GSE1: variants seen among roughly 807,000 people sequenced by gnomAD.
The protein encoded by GSE1 is genetic suppressor element 1.
Under a neutral mutation model 112.6 loss-of-function variants are expected in GSE1, and 32 were observed. That is an observed-to-expected ratio of 0.28 (90% CI 0.21 to 0.38). The LOEUF (loss-of-function observed/expected upper bound fraction) is 0.38, where lower values mean the gene tolerates loss of function less well. Among genes scored for constraint, GSE1 ranks in the 10% least tolerant of loss-of-function variants. The pLI is 1.00. For missense variants in GSE1, 2,348 were observed against 1,699.2 expected (o/e 1.38, Z -6.71); for synonymous variants, 1,115 against 735.6 (o/e 1.52, Z -8.35).
chr16:85,387,146 G>C (rs533268690), intron 2 of GSE1, among the ~76,000 whole-genome samples: 37 of 152,284 alleles, frequency 2.4e-4, no homozygotes, highest in African/African-American at 7.7e-4. Context: ...AGATGCCACA[G>C]GTACTGGAGT....
chr16:85,494,283 C>A (rs1249109656), intron 2 of GSE1, among the ~76,000 whole-genome samples: 3 of 152,214 alleles, frequency 2.0e-5, no homozygotes, highest in Non-Finnish European at 4.4e-5. Flanking sequence ...CTGGTGGCTC[C>A]TGGTGACCTT....
At chr16:85,315,942 G>T (rs1225511317) in intron 1 of GSE1, among the ~76,000 whole-genome samples, 1 of 152,192 alleles carries the variant, frequency 6.6e-6, no homozygotes, top group Admixed American at 6.5e-5. Context: ...GGGGGTGAAG[G>T]TGGGAGCAGG....
upstream of GSE1, among the ~76,000 whole-genome samples, chr16:85,611,716 C>A (rs1030816552): frequency 1.3e-5 from 2 of 152,216 alleles, no homozygotes; most frequent in East Asian, 3.9e-4. Context: ...CCAGACCCTG[C>A]CCCCCGGAGG....
At chr16:85,286,873 G>A (rs78872080) in intron 1 of GSE1, among the ~76,000 whole-genome samples, 2,184 of 152,212 alleles carry the variant, frequency 0.014, 51 homozygotes, top group African/African-American at 0.048. Context: ...AGTTTTTTTC[G>A]TTGTCCCATA....
chr16:85,615,787 G>A (rs921645846), intron 1 of GSE1, among the ~76,000 whole-genome samples: 1 of 152,188 alleles, frequency 6.6e-6, no homozygotes, highest in African/African-American at 2.4e-5. Flanking sequence ...ACTGCTGCTG[G>A]CCAGGCCTTT....
At chr16:85,423,009 T>TGGTCCACACATCCCTG (rs2151743521) in intron 2 of GSE1, among the ~76,000 whole-genome samples, 1 of 152,244 alleles carries the variant, frequency 6.6e-6, no homozygotes, top group Admixed American at 6.5e-5. Flanking sequence ...ACACCACTAC[T>TGGTCCACACATCCCTG]CCCAGCCCCT....
intron 4 of GSE1, among the ~76,000 whole-genome samples, 168 bp from the exon 5 acceptor site, chr16:85,654,626 A>G (rs1293635780): frequency 1.3e-5 from 2 of 152,008 alleles, no homozygotes; most frequent in African/African-American, 2.4e-5. Context: ...CTGAGGTGGC[A>G]GTGGCAGCTC....
intron 2 of GSE1, among the ~76,000 whole-genome samples, chr16:85,388,746 G>A (rs577853569): frequency 6.6e-6 from 1 of 152,246 alleles, no homozygotes; most frequent in South Asian, 2.1e-4. Context: ...AAGGAAGGAA[G>A]GAAAGATGGA....
chr16:85,170,418 C>T (rs2074340626), exon 1 of GSE1: 3 of 985,440 alleles, frequency 3.0e-6, no homozygotes, highest in African/African-American at 1.7e-5. Context: ...CTCCCTCTGG[C>T]AGAGCCACTA....
intron 2 of GSE1, among the ~76,000 whole-genome samples, chr16:85,480,978 G>A (rs1266194101): frequency 6.6e-6 from 1 of 152,268 alleles, no homozygotes; most frequent in Non-Finnish European, 1.5e-5. Flanking sequence ...TCCTGGGACA[G>A]CGTGTGCTGC....
rs943703780 is a variant in GSE1 at position 85,641,787 on chromosome 16, G to C, written c.227-6765G>C. On this transcript the variant is annotated intron_variant, in intron 2 of 15. Coordinates refer to ENST00000253458, the MANE Select transcript of GSE1 (RefSeq NM_014615.5). ...AGATTTCAAGGAAAGTGGCTGGGGT[G>C]ACTCAGCTCCTGTCCCACTTCCCTA... is the stretch of plus-strand genomic sequence containing the variant. Among the ~76,000 whole-genome samples, 23 of 152,378 alleles carry C rather than the reference G, an allele frequency of 1.5e-4. No individual in the cohort carries two copies. The East Asian group carries it at 2.1e-3, about 14-fold the overall frequency.
At chr16:85,621,534 A>C (rs911150463) in intron 1 of GSE1, among the ~76,000 whole-genome samples, 12 of 152,176 alleles carry the variant, frequency 7.9e-5, no homozygotes, top group African/African-American at 2.9e-4. Context: ...AAGGAAGTTA[A>C]TCCATCCTTA....
At chr16:85,661,812 T>G (rs751600303) in intron 9 of GSE1, 47 bp downstream of exon 9, 445 of 1,438,848 alleles carry the variant, frequency 3.1e-4, no homozygotes, top group South Asian at 5.9e-4. Flanking sequence ...AGCCGCACAG[T>G]GGGGATGGGG....
intron 1 of GSE1, among the ~76,000 whole-genome samples, chr16:85,246,158 C>T (rs1340117845): frequency 6.8e-6 from 1 of 147,376 alleles, no homozygotes; most frequent in Non-Finnish European, 1.5e-5. Context: ...ACATGGGGTG[C>T]CGTGGAGGCC....
chr16:85,459,066 G>A (rs900608133), intron 2 of GSE1, among the ~76,000 whole-genome samples: 1 of 152,144 alleles, frequency 6.6e-6, no homozygotes, highest in African/African-American at 2.4e-5. Flanking sequence ...ACTTTCCGTC[G>A]GCTGCTGCCT....
intron 1 of GSE1, among the ~76,000 whole-genome samples, chr16:85,336,836 A>G (rs936165775): frequency 3.3e-5 from 5 of 152,230 alleles, no homozygotes; most frequent in Non-Finnish European, 1.5e-5. Flanking sequence ...TACATATGTC[A>G]TGCCAAAATA....
chr16:85,457,716 G>T (rs898012730), intron 2 of GSE1, among the ~76,000 whole-genome samples: 3 of 152,228 alleles, frequency 2.0e-5, no homozygotes, highest in Admixed American at 1.3e-4. Context: ...TGTCCTACGG[G>T]CATCCAGCTT....
intron 1 of GSE1, among the ~76,000 whole-genome samples, chr16:85,337,307 C>CTTTTTT (rs750709031): frequency 3.7e-5 from 5 of 133,520 alleles, no homozygotes; most frequent in Admixed American, 7.5e-5. Flanking sequence ...CTTTTCTTTT[C>CTTTTTT]TTTTTTTTTT....
chr16:85,244,255 G>C (rs966134607), intron 1 of GSE1, among the ~76,000 whole-genome samples: 1 of 152,158 alleles, frequency 6.6e-6, no homozygotes, highest in Non-Finnish European at 1.5e-5. Context: ...GAGAGTCAGA[G>C]AGGTGGGATG....
Sources: allele counts gnomAD v4.1 joint callset (sites outside exome capture counted in the v4.1 genomes callset), GRCh38; gene constraint gnomAD v4.1.1; transcripts MANE v1.5; gene names NCBI Gene and HGNC (gene_info 2026-07-23, HGNC 2026-07-21).